STAT4: variants seen among roughly 807,000 people sequenced by gnomAD.
The protein encoded by STAT4 is signal transducer and activator of transcription 4.
In STAT4, 42 loss-of-function variants were observed where a neutral mutation model predicts 110.5. The ratio of observed to expected loss-of-function variants is 0.38; its 90% CI spans 0.30 to 0.49. The LOEUF (loss-of-function observed/expected upper bound fraction) is 0.49. Among genes scored for constraint, STAT4 ranks in the 20% least tolerant of loss-of-function variants. STAT4 has a pLI of 0.95. For synonymous variants in STAT4, 284 were observed against 302.2 expected (o/e 0.94, Z 0.63); for missense variants, 632 against 887.9 (o/e 0.71, Z 3.66).
chr2:191,113,822 G>T lies in STAT4; in HGVS notation c.273+32791C>A, dbSNP rs1698493643. On this transcript the variant is annotated intron_variant, in intron 3 of 23. Transcript: ENST00000392320. This position sits in a 1 kb window ranked among gnomAD's most constrained non-coding sequence, Gnocchi z 4.8. ...TGTACAGGGAGTACTCCCAAGAGTA[G>T]CAGAGAACATTACAGAAATGTTACA... Among the ~76,000 whole-genome samples, 2 of 152,148 alleles carry T rather than the reference G, an allele frequency of 1.3e-5. No homozygotes were observed. Among genetic ancestry groups the T allele is most frequent in the East Asian group, 3.9e-4 (2 of 5,184 alleles).
At chr2:191,054,557 A>G (rs763699172) in intron 13 of STAT4, 23 bp from the exon 14 acceptor site, 2 of 1,607,928 alleles carry the variant, frequency 1.2e-6, no homozygotes, top group Non-Finnish European at 1.7e-6. Flanking sequence ...AAACAACAAT[A>G]TTTAGATGGA....
rs1695945223 is a variant in STAT4 at position 191,033,120 on chromosome 2, A to G, written c.1882T>C (p.Tyr628His). 1 of 1,613,712 alleles carries G rather than the reference A, an allele frequency of 6.2e-7. No individual in the cohort carries two copies. The highest frequency in any genetic ancestry group is 8.5e-7 in the Non-Finnish European group (1 of 1,179,876). Residue 628 changes from tyrosine to histidine, a missense_variant, in exon 21 of 24, where the codon TAC (tyrosine) becomes CAC (histidine). This residue lies in a region of STAT4 where 74 missense variants were observed against 154.3 expected (regional missense o/e 0.48). Transcript: ENST00000392320. This position sits in a 1 kb window ranked among gnomAD's most constrained non-coding sequence, Gnocchi z 6.9. ...AGAGCAGACAACCGGCCTTTATTGT[A>G]GGGTTCTACAGAGTGGAATCTCACT... ...GEVRFHSVEP[Y>H]NKGRLSALPF...
Position 191,146,759 on chromosome 2 carries a change from TAA to T in STAT4, c.129-4_129-3del, listed in dbSNP as rs754067021. On this transcript the variant is annotated splice_region_variant and splice_polypyrimidine_tract_variant and intron_variant, in intron 2 of 23. Coordinates refer to ENST00000392320, the MANE Select transcript of STAT4 (RefSeq NM_003151.4). The surrounding 1 kb of genome is among the most constrained non-coding windows in gnomAD (Gnocchi z 4.5). ...GTTTCATTGTTAGAAGCTGCCTCCC[TAA>T]AAAAAAAAAGGATTATTACACAACA... 2.6e-4 allele frequency: 316 copies of T among 1,198,968 alleles called. No homozygotes were observed. Among genetic ancestry groups the T allele is most frequent in the South Asian group, 8.6e-4 (52 of 60,694 alleles). 74.3% of individuals were successfully genotyped at this position (1,198,968 alleles called of 1,614,324 possible). A position where few individuals can be genotyped will look rare whatever the true frequency, so the allele number is the denominator to read the frequency against.
intron 3 of STAT4, among the ~76,000 whole-genome samples, chr2:191,130,668 ATCATGTGAGCTCCTACTTAAATTT>A (rs1372060708): frequency 6.6e-6 from 1 of 151,790 alleles, no homozygotes; most frequent in Non-Finnish European, 1.5e-5. Context: ...CATGGAAGCC[ATCATGTGAGCTCCTACTTAAATTT>A]TGTTTTACAG....
intron 8 of STAT4, among the ~76,000 whole-genome samples, chr2:191,064,123 A>G (rs1696921284): frequency 6.6e-6 from 1 of 152,226 alleles, no homozygotes; most frequent in Non-Finnish European, 1.5e-5. Flanking sequence ...GCCAGCTTGT[A>G]TTAACCATTT....
chr2:191,083,946 C>T lies in STAT4; in HGVS notation c.274-7621G>A, dbSNP rs1314255700. Among the ~76,000 whole-genome samples the T allele has an allele frequency of 2.6e-5, 4 of 151,926 alleles. No homozygotes were observed. The highest frequency in any genetic ancestry group is 1.9e-4 in the East Asian group (1 of 5,194). On this transcript the variant is annotated intron_variant, in intron 3 of 23. Transcript: ENST00000392320. The surrounding 1 kb of genome is among the most constrained non-coding windows in gnomAD (Gnocchi z 4.6). ...TTTAGACATTTGGCCTAAATTAGTC[C>T]GTCTTTGATAGGTGTTTTAAGATAT...
rs917000819 is a variant in STAT4, at chr2:191,061,649, CA to C, written c.1034+79del. ...ATAAAGAACAGCTGAATGCAAGCCA[CA>C]ATGAGAGAAATTGGCCTTGATCATC... On this transcript the variant is annotated intron_variant, in intron 10 of 23. Coordinates refer to ENST00000392320, the MANE Select transcript of STAT4 (RefSeq NM_003151.4). The surrounding 1 kb of genome is among the most constrained non-coding windows in gnomAD (Gnocchi z 6.2). The C allele has an allele frequency of 8.4e-6, 11 of 1,304,576 alleles. No homozygotes were observed. The African/African-American group carries it at 1.5e-4, about 17-fold the overall frequency. The allele number at this position is 1,304,576 out of a possible 1,614,324, so 80.8% of individuals were successfully genotyped here.
At chr2:191,126,129 CA>C (rs1488181236) in intron 3 of STAT4, among the ~76,000 whole-genome samples, 1 of 152,188 alleles carries the variant, frequency 6.6e-6, no homozygotes, top group Non-Finnish European at 1.5e-5. Context: ...ATTATACTGA[CA>C]AACTTGTTTT....
rs368928990 is a variant in STAT4, at chr2:191,032,962, G to A, written c.2040C>T (p.Cys680=). ...AAACAAACAGAAAAACCTAACCTTCGCAAGGCTGAGAGCTGTAGTGTTTAC... is the reference window on the plus strand; with the variant it reads ...AAACAAACAGAAAAACCTAACCTTCACAAGGCTGAGAGCTGTAGTGTTTAC... The part of the protein sequence containing the change: ...AFGKHYSSQP[C]EVSRPTERGD... Residue 680 remains cysteine (C), a synonymous_variant, in exon 21 of 24, where the codon TGC becomes TGT. Transcript: ENST00000392320. This position sits in a 1 kb window ranked among gnomAD's most constrained non-coding sequence, Gnocchi z 4.9. 14 of 1,595,012 alleles carry A rather than the reference G, an allele frequency of 8.8e-6. No individual in the cohort carries two copies. The highest frequency in any genetic ancestry group is 2.7e-5 in the African/African-American group (2 of 73,652).
rs866566754 is a variant in STAT4 at position 191,073,135 on chromosome 2, A to C, written c.428T>G (p.Val143Gly). ...SSSVSERQRNVEHKVAAIKNS... is the reference protein window; with the variant it reads ...SSSVSERQRNGEHKVAAIKNS... ...TTTAATGGCAGCCACTTTGTGCTCC[A>C]CATTCCTCTGTCTTTCTGAAACTGA... Residue 143 changes from valine (V) to glycine (G), a missense_variant, in exon 5 of 24, where the codon GTG (valine) becomes GGG (glycine). Around this residue, in one of 4 missense-constraint regions of STAT4, gnomAD observed 488 missense variants for 632.8 expected, o/e 0.77. Transcript: ENST00000392320. The C allele has an allele frequency of 3.7e-6, 6 of 1,613,996 alleles. No homozygotes were observed. The African/African-American group carries it at 6.7e-5, about 18-fold the overall frequency.
chr2:191,073,408 C>G (rs1459185732), intron 4 of STAT4, among the ~76,000 whole-genome samples: 1 of 152,160 alleles, frequency 6.6e-6, no homozygotes, highest in Non-Finnish European at 1.5e-5. Flanking sequence ...TTATATAGGA[C>G]AGGCACAGTG....
At chr2:191,131,774 T>C in intron 3 of STAT4, 2 of 1,302,430 alleles carry the variant, frequency 1.5e-6, no homozygotes, top group Non-Finnish European at 2.0e-6. Flanking sequence ...TATCTTGGTT[T>C]CCTCAATTAG....
rs545951292 is a variant in STAT4 at position 191,042,872 on chromosome 2, T to C, written c.1252-1724A>G. On this transcript the variant is annotated intron_variant, in intron 14 of 23. Coordinates refer to ENST00000392320, the MANE Select transcript of STAT4 (RefSeq NM_003151.4). This position sits in a 1 kb window ranked among gnomAD's most constrained non-coding sequence, Gnocchi z 4.2. ...TCGGCTCACTGCAACCTCCGCCTCC[T>C]GGGTCCAAGTGATTCTCCTGCCTCA... 6.6e-6 allele frequency among the ~76,000 whole-genome samples: 1 copy of C among 152,156 alleles called. No homozygotes were observed. The highest frequency in any genetic ancestry group is 6.6e-5 in the Admixed American group (1 of 15,262).
In STAT4 at chr2:191,095,482, T is replaced by C. The variant is rs185918789; in HGVS notation, c.274-19157A>G. ...ACTCACTCAAAACCGCACAACTACATGGAAACTGAACAACATGCTCCTGAA... is the reference window on the plus strand; with the variant it reads ...ACTCACTCAAAACCGCACAACTACACGGAAACTGAACAACATGCTCCTGAA... On this transcript the variant is annotated intron_variant, in intron 3 of 23. Coordinates refer to ENST00000392320, the MANE Select transcript of STAT4 (RefSeq NM_003151.4). 5.6e-3 allele frequency among the ~76,000 whole-genome samples: 847 copies of C among 152,178 alleles called. 6 individuals are homozygous for C. Among genetic ancestry groups the C allele is most frequent in the Admixed American group, 0.015 (232 of 15,288 alleles).
rs3024904 is a variant in STAT4 at position 191,030,476 on chromosome 2, T to A, written c.2220+496A>T. ...ATGCCATTGACTGTTATTCATATAT[T>A]ATTGATGAGGCTCCGGGTTCTAGAA... On this transcript the variant is annotated intron_variant, in intron 23 of 23. Transcript: ENST00000392320. This position sits in a 1 kb window ranked among gnomAD's most constrained non-coding sequence, Gnocchi z 4.4. Among the ~76,000 whole-genome samples, 15,176 of 152,194 alleles carry A rather than the reference T, an allele frequency of 0.1. 828 individuals carry two copies. The highest frequency in any genetic ancestry group is 0.16 in the East Asian group (806 of 5,176).
chr2:191,131,542 G>A (rs1699037333), intron 3 of STAT4: 1 of 266,162 alleles, frequency 3.8e-6, no homozygotes, highest in African/African-American at 2.2e-5. Context: ...GGATGCAAAT[G>A]TATGTGGTAA....
intron 3 of STAT4, among the ~76,000 whole-genome samples, chr2:191,114,513 C>T (rs924861225): frequency 4.6e-5 from 7 of 152,136 alleles, no homozygotes; most frequent in African/African-American, 1.4e-4. Flanking sequence ...TCACCTCCTC[C>T]GTTAAGTTTA....
Position 191,039,211 on chromosome 2 carries a change from G to A in STAT4, c.1422C>T (p.Thr474=). The A allele has an allele frequency of 6.2e-7, 1 of 1,614,062 alleles. No individual in the cohort carries two copies. The highest frequency in any genetic ancestry group is 1.1e-5 in the South Asian group (1 of 91,088). The change falls in exon 16 of 24, where the codon ACC becomes ACT. Residue 474 remains threonine, a synonymous_variant. Transcript: ENST00000392320. This position sits in a 1 kb window ranked among gnomAD's most constrained non-coding sequence, Gnocchi z 4.7. ...AAATAGAGTCTACCTGGGAATCGTT[G>A]GTTGACACGTTGTACCAAATGATGG... ...WASIIWYNVS[T]NDSQNLVFFN... is the part of the protein sequence containing the mutation.
intron 14 of STAT4, among the ~76,000 whole-genome samples, chr2:191,045,214 A>T (rs972672952): frequency 6.6e-6 from 1 of 152,340 alleles, no homozygotes; most frequent in African/African-American, 2.4e-5. Flanking sequence ...GGAGTTTGAC[A>T]TAGAAAGAAG....
Sources: gnomAD v4.1 joint callset for allele counts (sites outside exome capture counted in the v4.1 genomes callset) on GRCh38, gnomAD v4.1.1 for gene constraint, gnomAD v4.1.1 regional missense constraint, Gnocchi (gnomAD v3.1) non-coding constraint, MANE v1.5 for transcripts, NCBI Gene and HGNC (gene_info 2026-07-23, HGNC 2026-07-21) for gene names.